GRID1: variants seen among roughly 807,000 people sequenced by gnomAD.
GRID1 encodes the protein glutamate receptor ionotropic, delta-1.
A neutral mutation model predicts 98.0 loss-of-function variants in GRID1; 28 were observed. That is an observed-to-expected ratio of 0.29 (90% CI 0.21 to 0.39). The LOEUF is 0.39. Ranked by LOEUF, GRID1 falls within the 10% of genes least tolerant of loss-of-function variation. GRID1 has a pLI of 1.00. For missense variants in GRID1, 1,111 were observed against 1,340.5 expected (o/e 0.83, Z 2.67); for synonymous variants, 553 against 538.5 (o/e 1.03, Z -0.37).
chr10:86,223,090 C>G (rs1347969908), intron 2 of GRID1, among the ~76,000 whole-genome samples: 3 of 152,206 alleles, frequency 2.0e-5, no homozygotes, highest in African/African-American at 4.8e-5. Context: ...TATACCAAAC[C>G]AAGGCAGAGG....
intron 3 of GRID1, among the ~76,000 whole-genome samples, chr10:86,172,328 A>G (rs560861328): frequency 6.6e-6 from 1 of 152,318 alleles, no homozygotes; most frequent in South Asian, 2.1e-4. Context: ...AGCACTCATC[A>G]GTACTTCATT....
intron 8 of GRID1, among the ~76,000 whole-genome samples, chr10:85,787,459 C>A (rs1394862910): frequency 2.6e-5 from 4 of 152,138 alleles, no homozygotes; most frequent in Non-Finnish European, 5.9e-5. Flanking sequence ...CACCCACCTC[C>A]CTGCTGGATT....
intron 3 of GRID1, among the ~76,000 whole-genome samples, chr10:86,177,630 C>T (rs550157257): frequency 1.3e-5 from 2 of 150,778 alleles, no homozygotes; most frequent in Admixed American, 1.3e-4. Context: ...GAGAAAGAGA[C>T]TTTAGCATGT....
chr10:85,721,921 C>T (rs1841707168), intron 12 of GRID1, among the ~76,000 whole-genome samples: 2 of 152,120 alleles, frequency 1.3e-5, no homozygotes, highest in Admixed American at 6.5e-5. Flanking sequence ...AGTGTCAATA[C>T]CCTGGTTTTG....
At chr10:85,655,427 T>A (rs988729437) in intron 12 of GRID1, among the ~76,000 whole-genome samples, 4 of 152,214 alleles carry the variant, frequency 2.6e-5, no homozygotes, top group Non-Finnish European at 5.9e-5. Flanking sequence ...TCTGAATTTC[T>A]ATCACCCCAC....
intron 4 of GRID1, among the ~76,000 whole-genome samples, chr10:85,970,821 C>T (rs771613044): frequency 6.6e-6 from 1 of 151,988 alleles, no homozygotes; most frequent in Non-Finnish European, 1.5e-5. Flanking sequence ...ACTGGAGATT[C>T]TAGTCATGCA....
intron 5 of GRID1, among the ~76,000 whole-genome samples, chr10:85,897,485 A>G (rs1333569372): frequency 6.6e-6 from 1 of 152,210 alleles, no homozygotes; most frequent in Non-Finnish European, 1.5e-5. Context: ...CTGGCCCCTC[A>G]GGAAGGCTTG....
At chr10:86,151,300 C>T (rs533013924) in intron 3 of GRID1, among the ~76,000 whole-genome samples, 1 of 152,292 alleles carries the variant, frequency 6.6e-6, no homozygotes, top group South Asian at 2.1e-4. Context: ...AGCCTGAGCA[C>T]CTGTAGGGAA....
At chr10:86,022,326 T>G (rs1280381148) in intron 4 of GRID1, among the ~76,000 whole-genome samples, 1 of 152,210 alleles carries the variant, frequency 6.6e-6, no homozygotes, top group Non-Finnish European at 1.5e-5. Flanking sequence ...CTAATTTCAA[T>G]TCCATATTAT....
chr10:85,929,062 T>C (rs143421237), intron 4 of GRID1, among the ~76,000 whole-genome samples: 165 of 152,294 alleles, frequency 1.1e-3, no homozygotes, highest in African/African-American at 3.7e-3. Context: ...TCTCAATATG[T>C]TCGAAAATGC....
intron 4 of GRID1, among the ~76,000 whole-genome samples, chr10:86,014,787 C>A: frequency 6.6e-6 from 1 of 152,224 alleles, no homozygotes; most frequent in East Asian, 1.9e-4. Context: ...TCATCTCCTA[C>A]TACTCTCCTT....
intron 5 of GRID1, among the ~76,000 whole-genome samples, chr10:85,909,568 T>C (rs972550182): frequency 3.9e-5 from 6 of 152,140 alleles, no homozygotes; most frequent in African/African-American, 1.4e-4. Flanking sequence ...TCCTCATCAA[T>C]TAAAAGGAAA....
At chr10:86,045,419 T>C (rs1466113266) in intron 4 of GRID1, among the ~76,000 whole-genome samples, 35 of 152,052 alleles carry the variant, frequency 2.3e-4, no homozygotes, top group Admixed American at 2.3e-3. Flanking sequence ...CAGAGTAATA[T>C]GGTAGGGGAA....
At chr10:85,865,922 TATATATATATATATATATATACAC>T (rs1843212430) in intron 6 of GRID1, among the ~76,000 whole-genome samples, 1 of 111,628 alleles carries the variant, frequency 9.0e-6, no homozygotes, top group African/African-American at 3.6e-5. Context: ...CATATATATA[TATATATATATATATATATATACAC>T]ATATATATGG....
intron 4 of GRID1, among the ~76,000 whole-genome samples, chr10:85,949,649 G>A (rs897092430): frequency 1.3e-5 from 2 of 152,050 alleles, no homozygotes; most frequent in African/African-American, 4.8e-5. Context: ...CTTCCATCCT[G>A]GCATCTCCAA....
chr10:86,219,888 G>A (rs1442280633), intron 2 of GRID1, among the ~76,000 whole-genome samples: 1 of 152,150 alleles, frequency 6.6e-6, no homozygotes, highest in Non-Finnish European at 1.5e-5. Flanking sequence ...TGCTCCCCCC[G>A]GGAGGCAGCC....
intron 2 of GRID1, among the ~76,000 whole-genome samples, chr10:86,283,485 G>T (rs1254639753): frequency 6.6e-6 from 1 of 152,076 alleles, no homozygotes; most frequent in Non-Finnish European, 1.5e-5. Flanking sequence ...CTGGCATCAG[G>T]CACTTGGTTG....
At chr10:85,717,950 T>A (rs1051931790) in intron 12 of GRID1, among the ~76,000 whole-genome samples, 1 of 149,414 alleles carries the variant, frequency 6.7e-6, no homozygotes, top group Admixed American at 6.7e-5. Context: ...GATCTTTGAC[T>A]CCAGGTCTCA....
intron 2 of GRID1, among the ~76,000 whole-genome samples, chr10:86,357,990 C>A (rs1246236841): frequency 6.6e-6 from 1 of 152,148 alleles, no homozygotes; most frequent in Non-Finnish European, 1.5e-5. Context: ...AGAAAAGAGG[C>A]CCTGGGTCCA....
Sources: allele counts gnomAD v4.1 joint callset (sites outside exome capture counted in the v4.1 genomes callset), GRCh38; gene constraint gnomAD v4.1.1; transcripts MANE v1.5; gene names NCBI Gene and HGNC (gene_info 2026-07-23, HGNC 2026-07-21).